The following AKAP7 variants were observed in gnomAD, a reference collection of about 807,000 sequenced individuals.
AKAP7 encodes the protein A-kinase anchoring protein 7, also known as A kinase (PRKA) anchor protein 7.
Under a neutral mutation model 39.5 loss-of-function variants are expected in AKAP7, and 39 were observed. The ratio of observed to expected loss-of-function variants is 0.99; its 90% CI spans 0.76 to 1.29. The LOEUF is 1.29. Ranked by LOEUF, AKAP7 falls within the 50% of genes most tolerant of loss-of-function variation. The probability of loss-of-function intolerance (pLI) is 0.00; values close to 1 mark genes in which losing one functional copy is unlikely to be tolerated. For missense variants in AKAP7, 414 were observed against 407.7 expected (o/e 1.02, Z -0.13); for synonymous variants, 140 against 139.1 (o/e 1.01, Z -0.05).
chr6:131,250,518 T>TG (rs1369337177), intron 7 of AKAP7: 3 of 1,613,320 alleles, frequency 1.9e-6, no homozygotes, highest in Non-Finnish European at 2.5e-6. Context: ...AATTTCTATT[T>TG]GGGGTCCTCA....
chr6:131,233,238 G>C (rs1243882011), intron 7 of AKAP7, among the ~76,000 whole-genome samples: 1 of 152,112 alleles, frequency 6.6e-6, no homozygotes, highest in Non-Finnish European at 1.5e-5. Context: ...GAATTGGAGA[G>C]TATGTAGAAT....
At chr6:131,235,954 G>A (rs1811017917) in intron 7 of AKAP7, among the ~76,000 whole-genome samples, 2 of 152,264 alleles carry the variant, frequency 1.3e-5, no homozygotes, top group South Asian at 2.1e-4. Context: ...ATTGCTTTTG[G>A]TGTTTTAGAC....
intron 2 of AKAP7, among the ~76,000 whole-genome samples, chr6:131,151,599 A>C (rs2128231308): frequency 6.6e-6 from 1 of 151,714 alleles, no homozygotes; most frequent in Middle Eastern, 3.4e-3. Flanking sequence ...ACAAAAAATT[A>C]GCCGAGTGTG....
At chr6:131,233,882 C>CA (rs1296602562) in intron 7 of AKAP7, among the ~76,000 whole-genome samples, 1 of 152,144 alleles carries the variant, frequency 6.6e-6, no homozygotes, top group Non-Finnish European at 1.5e-5. Flanking sequence ...TAGTTTTTGT[C>CA]ACAGCTAGAC....
intron 6 of AKAP7, among the ~76,000 whole-genome samples, chr6:131,203,085 T>C (rs1807757618): frequency 2.0e-5 from 3 of 152,302 alleles, no homozygotes; most frequent in Middle Eastern, 6.8e-3. Flanking sequence ...ACCTGCAGGC[T>C]TAAATAAATA....
chr6:131,141,591 T>C (rs1192113558), intron 1 of AKAP7, among the ~76,000 whole-genome samples: 3 of 152,098 alleles, frequency 2.0e-5, no homozygotes, highest in Non-Finnish European at 4.4e-5. Context: ...AACTGGGTAA[T>C]GGGCAGGGGT....
chr6:131,135,306 C>G (rs983940939), upstream of AKAP7, among the ~76,000 whole-genome samples: 2 of 152,110 alleles, frequency 1.3e-5, no homozygotes, highest in Non-Finnish European at 2.9e-5. Context: ...GGCCGCGGGG[C>G]TCGGCAGGCA....
chr6:131,183,834 G>C (rs1805534239), intron 5 of AKAP7, among the ~76,000 whole-genome samples: 1 of 152,106 alleles, frequency 6.6e-6, no homozygotes, highest in Non-Finnish European at 1.5e-5. Flanking sequence ...GAGGCTAAGT[G>C]ACACAGGGGC....
chr6:131,258,083 G>A (rs1813011121), intron 7 of AKAP7, among the ~76,000 whole-genome samples: 1 of 152,116 alleles, frequency 6.6e-6, no homozygotes, highest in African/African-American at 2.4e-5. Flanking sequence ...AGAAGTGAGA[G>A]TTCTCTGACT....
At chr6:131,239,316 C>T (rs912314004) in intron 7 of AKAP7, among the ~76,000 whole-genome samples, 2 of 152,160 alleles carry the variant, frequency 1.3e-5, no homozygotes, top group Non-Finnish European at 2.9e-5. Context: ...GGTAACCCAA[C>T]CTTTCTCTCT....
chr6:131,188,039 T>C (rs1396554543), intron 5 of AKAP7, among the ~76,000 whole-genome samples: 2 of 152,224 alleles, frequency 1.3e-5, no homozygotes, highest in African/African-American at 4.8e-5. Flanking sequence ...TCTGGTTCTC[T>C]TTATCAACTG....
rs549221406 is a variant in AKAP7, at chr6:131,205,651, G to A, written c.702+6078G>A. On this transcript the variant is annotated intron_variant, in intron 6 of 7. Coordinates refer to ENST00000431975, the MANE Select transcript of AKAP7 (RefSeq NM_016377.4). ...TTCCCAAGTTAGAGAGCTGAGTTGA[G>A]GCTAAGGACAGATTCTGTGAAACAT... 2.1e-4 allele frequency among the ~76,000 whole-genome samples: 32 copies of A among 152,276 alleles called. No individual in the cohort carries two copies. The South Asian group carries it at 5.8e-3, about 28-fold the overall frequency.
rs2128342035 is a variant in AKAP7 at position 131,282,248 on chromosome 6, A to C, written c.*522A>C. 7.4e-7 allele frequency: 1 copy of C among 1,352,124 alleles called. No homozygotes were observed. Among genetic ancestry groups the C allele is most frequent in the East Asian group, 2.7e-5 (1 of 36,960 alleles). 83.8% of individuals were successfully genotyped at this position (1,352,124 alleles called of 1,614,324 possible). A position where few individuals can be genotyped will look rare whatever the true frequency, so the allele number is the denominator to read the frequency against. ...TGCAGTGTGATCTTTATTTATAGTA[A>C]ATTATGTTTCATGTAAATGATATAT... is the stretch of plus-strand genomic sequence containing the variant. On this transcript the variant is annotated 3_prime_UTR_variant, in exon 8 of 8. Transcript: ENST00000431975.
At chr6:131,181,227 C>T (rs1038646081) in intron 5 of AKAP7, among the ~76,000 whole-genome samples, 11 of 152,162 alleles carry the variant, frequency 7.2e-5, no homozygotes, top group African/African-American at 2.2e-4. Context: ...TGAGCCACCG[C>T]GCCTGGCCCC....
At position 131,180,463 on chromosome 6, in the gene AKAP7, C is replaced by T. The variant is rs117757039; in HGVS notation, c.589+11190C>T. Among the ~76,000 whole-genome samples the T allele has an allele frequency of 9.2e-5, 14 of 152,300 alleles. 1 individual carries two copies. The East Asian group carries it at 2.7e-3, about 29-fold the overall frequency. ...ATTAGCTACAGAAAAATCTCTTGAT[C>T]TTGAATCTCCTGCTAGCTTCTTCAT... On this transcript the variant is annotated intron_variant, in intron 5 of 7. Coordinates refer to ENST00000431975, the MANE Select transcript of AKAP7 (RefSeq NM_016377.4).
chr6:131,247,161 T>C (rs962472803), intron 7 of AKAP7, among the ~76,000 whole-genome samples: 3 of 151,428 alleles, frequency 2.0e-5, no homozygotes, highest in African/African-American at 7.3e-5. Flanking sequence ...TTGTTTTCTA[T>C]CTTTCATTAT....
chr6:131,252,546 G>C (rs574366003), intron 7 of AKAP7, among the ~76,000 whole-genome samples: 2 of 152,202 alleles, frequency 1.3e-5, no homozygotes, highest in African/African-American at 4.8e-5. Context: ...TCTGGTACAG[G>C]ATGGTCTAAA....
At chr6:131,206,083 A>C (rs2128286801) in intron 6 of AKAP7, among the ~76,000 whole-genome samples, 1 of 152,378 alleles carries the variant, frequency 6.6e-6, no homozygotes, top group East Asian at 1.9e-4. Context: ...GCAGAAGAAG[A>C]CAAGTTTCAA....
At chr6:131,145,656 A>G (rs147526336) in intron 2 of AKAP7, among the ~76,000 whole-genome samples, 1,545 of 151,914 alleles carry the variant, frequency 0.01, 30 homozygotes, top group African/African-American at 0.034. Context: ...TAATCCTCCC[A>G]CCTCAGCTTC....
Sources: allele counts gnomAD v4.1 joint callset (sites outside exome capture counted in the v4.1 genomes callset), GRCh38; gene constraint gnomAD v4.1.1; transcripts MANE v1.5; gene names NCBI Gene and HGNC (gene_info 2026-07-23, HGNC 2026-07-21).